WASF3: variants seen among roughly 807,000 people sequenced by gnomAD.
WASF3 encodes the protein WASP family member 3, also known as actin-binding protein WASF3.
Under a neutral mutation model 46.6 loss-of-function variants are expected in WASF3, and 11 were observed. The ratio of observed to expected loss-of-function variants is 0.24; its 90% confidence interval spans 0.15 to 0.39. The LOEUF is 0.39. Ranked by LOEUF, WASF3 falls within the 10% of genes least tolerant of loss-of-function variation. The pLI is 1.00. For synonymous variants in WASF3, 242 were observed against 259.7 expected (o/e 0.93, Z 0.65); for missense variants, 576 against 669.8 (o/e 0.86, Z 1.55).
At chr13:26,576,056 T>TGTATATGTATCTTGGAG (rs1336064605) in intron 1 of WASF3, among the ~76,000 whole-genome samples, 6 of 152,116 alleles carry the variant, frequency 3.9e-5, no homozygotes, top group Admixed American at 3.3e-4. Flanking sequence ...CAGAGTTTGA[T>TGTATATGTATCTTGGAG]GTATATGTAT....
At chr13:26,668,986 AACTTTCT>A (rs1443654478) in intron 5 of WASF3, among the ~76,000 whole-genome samples, 2 of 152,140 alleles carry the variant, frequency 1.3e-5, no homozygotes, top group Non-Finnish European at 2.9e-5. Context: ...TGCTCATGAA[AACTTTCT>A]ACCTGCCGTT....
intron 5 of WASF3, among the ~76,000 whole-genome samples, chr13:26,668,553 A>T (rs1882838940): frequency 6.6e-6 from 1 of 152,254 alleles, no homozygotes; most frequent in Admixed American, 6.5e-5. Flanking sequence ...CCCTCTCAGC[A>T]GTCCTACCCT....
chr13:26,659,826 C>T (rs1271031240), intron 3 of WASF3, among the ~76,000 whole-genome samples: 1 of 152,144 alleles, frequency 6.6e-6, no homozygotes, highest in African/African-American at 2.4e-5. Context: ...GGAGCTGGCT[C>T]TTCCAAGAGG....
intron 9 of WASF3, among the ~76,000 whole-genome samples, chr13:26,684,910 C>G (rs761011131): frequency 1.3e-5 from 2 of 152,088 alleles, no homozygotes; most frequent in Admixed American, 6.5e-5. Flanking sequence ...TTGCAAGACT[C>G]TATCTCTACA....
chr13:26,569,760 A>G (rs1879577725), intron 1 of WASF3, among the ~76,000 whole-genome samples: 1 of 152,228 alleles, frequency 6.6e-6, no homozygotes, highest in African/African-American at 2.4e-5. Flanking sequence ...CATCTGCAGT[A>G]CTAGTTTTAT....
At chr13:26,583,350 G>C (rs919206788) in intron 1 of WASF3, among the ~76,000 whole-genome samples, 2 of 152,166 alleles carry the variant, frequency 1.3e-5, no homozygotes, top group African/African-American at 4.8e-5. Context: ...AATGGCAAGT[G>C]AACAGTAAAG....
intron 1 of WASF3, among the ~76,000 whole-genome samples, chr13:26,564,897 G>GT (rs1879409637): frequency 8.7e-6 from 1 of 114,452 alleles, no homozygotes; most frequent in Non-Finnish European, 1.7e-5. Context: ...TGACAAGGTT[G>GT]TGGTTTTTTT....
intron 5 of WASF3, 22 bp downstream of exon 5, chr13:26,667,692 A>G (rs1312977569): frequency 1.2e-6 from 2 of 1,609,200 alleles, no homozygotes; most frequent in African/African-American, 1.3e-5. Flanking sequence ...TGAGTCCCAG[A>G]GCCTCTCCTT....
At chr13:26,653,713 G>A (rs1395866625) in intron 3 of WASF3, among the ~76,000 whole-genome samples, 1 of 152,156 alleles carries the variant, frequency 6.6e-6, no homozygotes, top group African/African-American at 2.4e-5. Flanking sequence ...CATTTACTAA[G>A]TGACCTCATC....
chr13:26,600,993 A>G (rs543557170), intron 1 of WASF3, among the ~76,000 whole-genome samples: 32 of 152,194 alleles, frequency 2.1e-4, no homozygotes, highest in Admixed American at 7.2e-4. Flanking sequence ...TATATAGTAG[A>G]TAGAGCCATG....
chr13:26,659,533 G>A (rs1057072709), intron 3 of WASF3, among the ~76,000 whole-genome samples: 1 of 152,194 alleles, frequency 6.6e-6, no homozygotes, highest in African/African-American at 2.4e-5. Context: ...TGGACAAGAT[G>A]ACTGGGGCTG....
intron 1 of WASF3, among the ~76,000 whole-genome samples, chr13:26,563,002 C>T (rs1441119879): frequency 6.6e-6 from 1 of 151,284 alleles, no homozygotes; most frequent in African/African-American, 2.4e-5. Flanking sequence ...TTTCTCAAGA[C>T]ATGCTCTTCT....
chr13:26,549,546 G>C, the WASF3 span, among the ~76,000 whole-genome samples: 1 of 152,108 alleles, frequency 6.6e-6, no homozygotes, highest in African/African-American at 2.4e-5. Context: ...TTTCTACAAA[G>C]AATGACCCAG....
At position 26,644,471 on chromosome 13, in the gene WASF3, C is replaced by T. The variant is rs377176892; in HGVS notation, c.133+2068C>T. 2.4e-4 allele frequency among the ~76,000 whole-genome samples: 37 copies of T among 152,266 alleles called. No homozygotes were observed. The East Asian group carries it at 3.3e-3, about 14-fold the overall frequency. On this transcript the variant is annotated intron_variant, in intron 3 of 9. Transcript: ENST00000335327. ...CTAGTGGATAGTCAGTTCTGAGTTA[C>T]GCTACTGCAGTGCATCTCAACCTGG... is the stretch of plus-strand genomic sequence containing the variant.
At chr13:26,559,821 T>TCTTTCTTTC (rs1879235353) in intron 1 of WASF3, among the ~76,000 whole-genome samples, 1 of 127,226 alleles carries the variant, frequency 7.9e-6, no homozygotes. Context: ...TTTTTTTTTT[T>TCTTTCTTTC]TTTTTTTTTT....
intron 1 of WASF3, among the ~76,000 whole-genome samples, chr13:26,608,266 A>G (rs1242270882): frequency 6.6e-6 from 1 of 152,208 alleles, no homozygotes; most frequent in Non-Finnish European, 1.5e-5. Flanking sequence ...GAAGAGAAAG[A>G]AAATATTATC....
chr13:26,541,553 G>A, the WASF3 span, among the ~76,000 whole-genome samples: 4 of 152,146 alleles, frequency 2.6e-5, no homozygotes, highest in Admixed American at 6.5e-5. Flanking sequence ...AGGGAAGAAG[G>A]CAGGCAGGCC....
At chr13:26,606,337 TGTGTGTGTG>T in intron 1 of WASF3, among the ~76,000 whole-genome samples, 1 of 149,196 alleles carries the variant, frequency 6.7e-6, no homozygotes, top group South Asian at 2.2e-4. Context: ...TGTGTGTGTG[TGTGTGTGTG>T]TGTGTGTGTG....
At chr13:26,540,294 A>G in the WASF3 span, among the ~76,000 whole-genome samples, 119 of 152,330 alleles carry the variant, frequency 7.8e-4, no homozygotes, top group Non-Finnish European at 1.4e-3. Context: ...CTGCCCAGGA[A>G]GTATAGCAGC....
Sources: allele counts gnomAD v4.1 joint callset (sites outside exome capture counted in the v4.1 genomes callset), GRCh38; gene constraint gnomAD v4.1.1; transcripts MANE v1.5; gene names NCBI Gene and HGNC (gene_info 2026-07-23, HGNC 2026-07-21).